Variants in SGCD observed in about 807,000 individuals in gnomAD.
The protein encoded by SGCD is delta-sarcoglycan.
In SGCD, 18 loss-of-function variants were observed where a neutral mutation model predicts 36.6. The observed-to-expected ratio is 0.49, with a 90% confidence interval of 0.34 to 0.73. The LOEUF (loss-of-function observed/expected upper bound fraction) is 0.73. SGCD is among the 30% of genes least tolerant of loss of function. The probability of loss-of-function intolerance (pLI) is 0.01; values close to 1 mark genes in which losing one functional copy is unlikely to be tolerated. For synonymous variants in SGCD, 133 were observed against 130.6 expected (o/e 1.02, Z -0.12); for missense variants, 387 against 346.7 (o/e 1.12, Z -0.92).
chr5:155,870,923 A>T (rs746516476), intron 1 of SGCD, among the ~76,000 whole-genome samples: 23 of 152,284 alleles, frequency 1.5e-4, no homozygotes, highest in Admixed American at 2.6e-4. Flanking sequence ...CATTTTCACA[A>T]TTGTTACTTT....
At chr5:156,650,590 A>G (rs986792544) in intron 7 of SGCD, among the ~76,000 whole-genome samples, 9 of 151,452 alleles carry the variant, frequency 5.9e-5, no homozygotes, top group Non-Finnish European at 4.4e-5. Context: ...AATGTGCAGT[A>G]TTTGGTTTTC....
intron 3 of SGCD, among the ~76,000 whole-genome samples, chr5:156,175,315 A>T (rs895844149): frequency 6.6e-6 from 1 of 152,198 alleles, no homozygotes; most frequent in Non-Finnish European, 1.5e-5. Context: ...TGTAGAAAAA[A>T]AGTAGTAAAA....
chr5:156,476,618 A>G (rs897683004), intron 3 of SGCD, among the ~76,000 whole-genome samples: 1 of 152,216 alleles, frequency 6.6e-6, no homozygotes, highest in Non-Finnish European at 1.5e-5. Flanking sequence ...AAATGCCTTC[A>G]AGAAAATAGG....
chr5:156,202,538 G>A (rs1432065206), intron 3 of SGCD, among the ~76,000 whole-genome samples: 2 of 152,084 alleles, frequency 1.3e-5, no homozygotes, highest in African/African-American at 2.4e-5. Context: ...TAAGGCCATA[G>A]AGAAGCATTC....
In SGCD at chr5:155,975,612, T is replaced by C. The variant is rs1219643971; in HGVS notation, c.-282+105188T>C. 5.1e-3 allele frequency among the ~76,000 whole-genome samples: 205 copies of C among 39,806 alleles called. 10 individuals are homozygous for C. The highest frequency in any genetic ancestry group is 0.014 in the South Asian group (10 of 692). 26.1% of individuals were successfully genotyped at this position (39,806 alleles called of 152,430 possible). ...GTTATTTATTTTTCTTTCTTTCCTT[T>C]TTTTTTTTTTTTTTTTTTTTTTTTT... On this transcript the variant is annotated intron_variant, in intron 1 of 9. Coordinates refer to the SGCD transcript ENST00000517913.
intron 3 of SGCD, among the ~76,000 whole-genome samples, chr5:156,398,647 G>A (rs1771987896): frequency 6.6e-6 from 1 of 152,156 alleles, no homozygotes; most frequent in Non-Finnish European, 1.5e-5. Context: ...GTGACCAAGT[G>A]CATAGTTCTC....
At chr5:155,776,419 T>C in the SGCD span, among the ~76,000 whole-genome samples, 2 of 152,094 alleles carry the variant, frequency 1.3e-5, no homozygotes, top group East Asian at 1.9e-4. Flanking sequence ...GGGAAATAAA[T>C]GAGACAATGT....
At chr5:156,683,045 G>T (rs985797108) in intron 7 of SGCD, among the ~76,000 whole-genome samples, 1 of 152,188 alleles carries the variant, frequency 6.6e-6, no homozygotes, top group East Asian at 1.9e-4. Context: ...GAAGGGAAAG[G>T]CATGATTTCA....
At chr5:156,677,086 T>C (rs2113672925) in intron 7 of SGCD, among the ~76,000 whole-genome samples, 2 of 152,322 alleles carry the variant, frequency 1.3e-5, no homozygotes, top group South Asian at 4.1e-4. Context: ...ATCATCTCCA[T>C]TTTCCAGATG....
At chr5:155,792,390 A>G in the SGCD span, among the ~76,000 whole-genome samples, 2 of 148,502 alleles carry the variant, frequency 1.3e-5, no homozygotes, top group African/African-American at 2.5e-5. Context: ...AAAACCAAAA[A>G]TTGACAAGTG....
At chr5:156,047,654 A>G (rs929965860) in intron 1 of SGCD, among the ~76,000 whole-genome samples, 1 of 152,124 alleles carries the variant, frequency 6.6e-6, no homozygotes, top group Non-Finnish European at 1.5e-5. Flanking sequence ...TGGGGGGGAA[A>G]AAGTTCTTTT....
chr5:156,680,041 G>A (rs546884889), intron 7 of SGCD, among the ~76,000 whole-genome samples: 2 of 152,302 alleles, frequency 1.3e-5, no homozygotes, highest in East Asian at 3.9e-4. Context: ...GATTAGTTCA[G>A]TATAGCAGCT....
chr5:156,145,653 A>C (rs996577011), intron 3 of SGCD, among the ~76,000 whole-genome samples: 1 of 152,210 alleles, frequency 6.6e-6, no homozygotes, highest in Non-Finnish European at 1.5e-5. Flanking sequence ...AGTTCTAGTA[A>C]GTATTTGGTT....
chr5:156,453,084 G>A, intron 3 of SGCD, among the ~76,000 whole-genome samples: 1 of 152,110 alleles, frequency 6.6e-6, no homozygotes, highest in East Asian at 1.9e-4. Flanking sequence ...ATTGCCAGAT[G>A]ACATGTGTCC....
intron 1 of SGCD, among the ~76,000 whole-genome samples, chr5:155,927,350 C>T (rs942626430): frequency 6.6e-6 from 1 of 152,116 alleles, no homozygotes; most frequent in Non-Finnish European, 1.5e-5. Context: ...TCAGTGCCTT[C>T]CAATCAAAGA....
At chr5:156,669,973 G>A (rs563762740) in intron 7 of SGCD, among the ~76,000 whole-genome samples, 61 of 152,240 alleles carry the variant, frequency 4.0e-4, no homozygotes, top group African/African-American at 1.5e-3. Flanking sequence ...GACCATCTAT[G>A]AAAGCTGGAG....
intron 1 of SGCD, among the ~76,000 whole-genome samples, chr5:156,075,481 T>C (rs755630977): frequency 3.3e-4 from 50 of 152,290 alleles, no homozygotes; most frequent in Admixed American, 1.3e-4. Context: ...GATTTCAACA[T>C]TTGGGATTTG....
At chr5:156,487,915 G>C (rs1755763950) in intron 3 of SGCD, among the ~76,000 whole-genome samples, 2 of 121,834 alleles carry the variant, frequency 1.6e-5, no homozygotes, top group South Asian at 2.6e-4. Context: ...AAAATACAAA[G>C]AATTCAGAAA....
At chr5:156,459,621 G>T (rs563274403) in intron 3 of SGCD, among the ~76,000 whole-genome samples, 1 of 152,062 alleles carries the variant, frequency 6.6e-6, no homozygotes, top group African/African-American at 2.4e-5. Flanking sequence ...ATTTATTAGC[G>T]CTTTGATAAG....
Sources: gnomAD v4.1 joint callset for allele counts (sites outside exome capture counted in the v4.1 genomes callset) on GRCh38, gnomAD v4.1.1 for gene constraint, MANE v1.5 for transcripts, NCBI Gene and HGNC (gene_info 2026-07-23, HGNC 2026-07-21) for gene names.